TOR2A: variants seen among roughly 807,000 people sequenced by gnomAD.
TOR2A encodes the protein prosalusin.
A neutral mutation model predicts 28.6 loss-of-function variants in TOR2A; 24 were observed. That is an observed-to-expected ratio of 0.84 (90% CI 0.61 to 1.18). TOR2A has a LOEUF of 1.18. Ranked by LOEUF, TOR2A falls within the 50% of genes most tolerant of loss-of-function variation. The probability of loss-of-function intolerance (pLI) is 0.00; values close to 1 mark genes in which losing one functional copy is unlikely to be tolerated. For missense variants in TOR2A, 426 were observed against 448.1 expected (o/e 0.95, Z 0.45); for synonymous variants, 203 against 203.1 (o/e 1.00, Z 0.00).
At chr9:127,733,655 G>T in intron 2 of TOR2A, 95 bp from the exon 3 acceptor site, 1 of 1,173,482 alleles carries the variant, frequency 8.5e-7, no homozygotes, top group Non-Finnish European at 1.2e-6. Context: ...TTCTAGGGAA[G>T]GATGTGGTCT....
rs1844558730 is a variant in TOR2A, at chr9:127,733,528, G to A, written c.450C>T (p.Leu150=). 1.2e-6 allele frequency: 2 copies of A among 1,613,444 alleles called. No individual in the cohort carries two copies. The highest frequency in any genetic ancestry group is 1.7e-5 in the Admixed American group (1 of 59,996). ...GGAAGAGGGAGCGGCCACAGGCAGT[G>A]AGGTTCCCTTGGACCCAGCTCTTCA... is the stretch of plus-strand genomic sequence containing the variant. The part of the protein sequence containing the change: ...KDLKSWVQGN[L]TACGRSLFLF... The change falls in exon 3 of 5, where the codon CTC becomes CTT. Residue 150 remains leucine (L), a synonymous_variant. Coordinates refer to ENST00000373284, the MANE Select transcript of TOR2A (RefSeq NM_001085347.3).
intron 3 of TOR2A, chr9:127,732,957 C>T: frequency 7.2e-7 from 1 of 1,391,126 alleles, no homozygotes. Flanking sequence ...TCCAGGAAGG[C>T]ATCGGGGCAT....
In TOR2A at chr9:127,734,482, C is replaced by T; in HGVS notation, c.234G>A (p.Val78=). 2 of 1,593,164 alleles carry T rather than the reference C, an allele frequency of 1.3e-6. No individual in the cohort carries two copies. Among genetic ancestry groups the T allele is most frequent in the Non-Finnish European group, 1.7e-6 (2 of 1,170,190 alleles). ...ALVVKALKAF[V]RDPAPTKPLV... The stretch of plus-strand genomic sequence containing the variant: ...GCGGCTTGGTGGGGGCTGGGTCCCG[C>T]ACAAAGGCCTTCAGCGCCTTCACCA... The change falls in exon 2 of 5, where the codon GTG becomes GTA. Residue 78 remains valine, a synonymous_variant. Transcript: ENST00000373284.
chr9:127,732,685 C>T lies in TOR2A; in HGVS notation c.600G>A (p.Thr200=), dbSNP rs778839588. 1.3e-5 allele frequency: 21 copies of T among 1,562,936 alleles called. No homozygotes were observed. The highest frequency in any genetic ancestry group is 1.7e-4 in the Middle Eastern group (1 of 5,996). The change falls in exon 4 of 5, where the codon ACG becomes ACA. Residue 200 remains threonine, a synonymous_variant. Coordinates refer to ENST00000373284, the MANE Select transcript of TOR2A (RefSeq NM_001085347.3). ...RKAIFIFISN[T]GGKQINQVAL... is the part of the protein sequence containing the mutation. ...CCACCTGGTTGATCTGCTTGCCACC[C>T]GTGTTGCTAAAACCATGGGGGACCC... is the stretch of plus-strand genomic sequence containing the variant.
rs376331285 is a variant in TOR2A, at chr9:127,733,235, A to G, written c.593+150T>C. On this transcript the variant is annotated intron_variant, in intron 3 of 4. Coordinates refer to ENST00000373284, the MANE Select transcript of TOR2A (RefSeq NM_001085347.3). ...GGGAAATCAACCAGGCGGAATGACA[A>G]TGTCATCTCTGAGAGTGGCGGAGGG... The G allele has an allele frequency of 2.5e-6, 4 of 1,608,930 alleles. No homozygotes were observed. The South Asian group carries it at 3.3e-5, about 13-fold the overall frequency.
rs750205347 is a variant in TOR2A at position 127,734,561 on chromosome 9, A to T, written c.155T>A (p.Leu52Gln). ...ECDFRPDLPG[L>Q]ECDLAQHLAG... is the part of the protein sequence containing the mutation. ...CAGGTGCTGAGCCAGGTCACACTCC[A>T]GACCTAGGGCCACAGGAGGATGGTG... The change falls in exon 2 of 5, where the codon CTG becomes CAG. Residue 52 changes from leucine to glutamine, a missense_variant. Leu to Gln is a moderately radical substitution (Grantham distance 113). Transcript: ENST00000373284. 11 of 1,511,080 alleles carry T rather than the reference A, an allele frequency of 7.3e-6. No homozygotes were observed. Among genetic ancestry groups the T allele is most frequent in the Non-Finnish European group, 9.7e-6 (11 of 1,131,140 alleles). 93.6% of individuals were successfully genotyped at this position (1,511,080 alleles called of 1,614,324 possible).
Position 127,731,848 on chromosome 9 carries a change from G to T in TOR2A, c.*186C>A. On this transcript the variant is annotated 3_prime_UTR_variant, in exon 5 of 5. Coordinates refer to ENST00000373284, the MANE Select transcript of TOR2A (RefSeq NM_001085347.3). Reference sequence around the variant, plus strand: ...TGGGGTGACCAGGGGTTTCCCTGGGGAAGGTGGCCGGGGCCAAGATGCTCT... The same window carrying T: ...TGGGGTGACCAGGGGTTTCCCTGGGTAAGGTGGCCGGGGCCAAGATGCTCT... 2 of 1,270,762 alleles carry T rather than the reference G, an allele frequency of 1.6e-6. No individual in the cohort carries two copies. The highest frequency in any genetic ancestry group is 1.1e-6 in the Non-Finnish European group (1 of 945,846). The allele number at this position is 1,270,762 out of a possible 1,614,324, so 78.7% of individuals were successfully genotyped here. A position where few individuals can be genotyped will look rare whatever the true frequency, so the allele number is the denominator to read the frequency against.
At chr9:127,733,611 A>T in intron 2 of TOR2A, 51 bp from the exon 3 acceptor site, 1 of 1,513,966 alleles carries the variant, frequency 6.6e-7, no homozygotes, top group Admixed American at 2.1e-5. Flanking sequence ...CTCCCCCAAC[A>T]CCAGACCTCT....
chr9:127,734,526 G>A lies in TOR2A; in HGVS notation c.190C>T (p.His64Tyr), dbSNP rs761495733. The change falls in exon 2 of 5, where the codon CAT becomes TAT. Residue 64 changes from histidine to tyrosine, a missense_variant. Coordinates refer to ENST00000373284, the MANE Select transcript of TOR2A (RefSeq NM_001085347.3). Reference sequence around the variant, plus strand: ...TTCACCACCAGCGCCTTGGCCAGATGCTGGCCGGCCAGGTGCTGAGCCAGG... The same window carrying A: ...TTCACCACCAGCGCCTTGGCCAGATACTGGCCGGCCAGGTGCTGAGCCAGG... ...CDLAQHLAGQ[H>Y]LAKALVVKAL... The A allele has an allele frequency of 4.6e-6, 7 of 1,538,320 alleles. No individual in the cohort carries two copies. Among genetic ancestry groups the A allele is most frequent in the Non-Finnish European group, 4.4e-6 (5 of 1,141,974 alleles).
chr9:127,733,765 C>A, intron 2 of TOR2A: 1 of 590,614 alleles, frequency 1.7e-6, no homozygotes, highest in Non-Finnish European at 3.0e-6. Context: ...AGAACAGGGA[C>A]TCAAACCCAA....
rs1301327611 is a variant in TOR2A at position 127,732,043 on chromosome 9, G to C, written c.957C>G (p.Phe319Leu). The change falls in exon 5 of 5, where the codon TTC becomes TTG. Residue 319 changes from phenylalanine (F) to leucine (L), a missense_variant. Physicochemically the swap from Phe to Leu is conservative, Grantham distance 22. Transcript: ENST00000373284. ...GCKTVASRIA[F>L]FL ...GACACCACTCAGAGAGTCAGAGGAAGAAGGCGATTCGGGAGGCCACGGTCT... is the reference window on the plus strand; with the variant it reads ...GACACCACTCAGAGAGTCAGAGGAACAAGGCGATTCGGGAGGCCACGGTCT... 6.2e-7 allele frequency: 1 copy of C among 1,613,444 alleles called. No homozygotes were observed. Among genetic ancestry groups the C allele is most frequent in the Non-Finnish European group, 8.5e-7 (1 of 1,179,796 alleles).
At chr9:127,732,842 A>T (rs982276767) in intron 3 of TOR2A, 151 bp from the exon 4 acceptor site, 1 of 1,439,832 alleles carries the variant, frequency 6.9e-7, no homozygotes, top group Admixed American at 2.7e-5. Context: ...TTCCCCCTCC[A>T]TGGTGTCCAC....
At chr9:127,732,323 G>A (rs768793934) in intron 4 of TOR2A, 45 bp from the exon 5 acceptor site, 2 of 1,527,556 alleles carry the variant, frequency 1.3e-6, no homozygotes, top group Non-Finnish European at 1.8e-6. Context: ...CTTCACAAGA[G>A]GGGAGAAGCC....
chr9:127,734,628 T>G, intron 1 of TOR2A, 64 bp from the exon 2 acceptor site: 3 of 1,417,714 alleles, frequency 2.1e-6, no homozygotes, highest in Non-Finnish European at 2.8e-6. Flanking sequence ...GAGAACATCA[T>G]GTCTGGAACC....
intron 3 of TOR2A, chr9:127,733,077 A>C: frequency 6.8e-7 from 1 of 1,467,358 alleles, no homozygotes; most frequent in Non-Finnish European, 9.0e-7. Context: ...AAGGACAAGA[A>C]CTCTGTTCCT....
intron 2 of TOR2A, 130 bp downstream of exon 2, chr9:127,734,169 T>G: frequency 8.1e-7 from 1 of 1,235,846 alleles, no homozygotes; most frequent in Non-Finnish European, 1.1e-6. Flanking sequence ...CTGTGCAGGA[T>G]GGGTCCTGAG....
chr9:127,733,007 CAG>C, intron 3 of TOR2A: 1 of 1,387,816 alleles, frequency 7.2e-7, no homozygotes, highest in South Asian at 1.6e-5. Flanking sequence ...GACAGAGGCT[CAG>C]AGAGGCGGAG....
At position 127,734,520 on chromosome 9, in the gene TOR2A, C is replaced by T; in HGVS notation, c.196G>A (p.Ala66Thr). The change falls in exon 2 of 5, where the codon GCC (alanine) becomes ACC (threonine). Residue 66 changes from alanine (A) to threonine (T), a missense_variant. Coordinates refer to ENST00000373284, the MANE Select transcript of TOR2A (RefSeq NM_001085347.3). ...AGCGCCTTCACCACCAGCGCCTTGG[C>T]CAGATGCTGGCCGGCCAGGTGCTGA... ...LAQHLAGQHLAKALVVKALKA... is the reference protein window; with the variant it reads ...LAQHLAGQHLTKALVVKALKA... 1 of 1,543,648 alleles carries T rather than the reference C, an allele frequency of 6.5e-7. No homozygotes were observed. Among genetic ancestry groups the T allele is most frequent in the Non-Finnish European group, 8.7e-7 (1 of 1,144,560 alleles).
Position 127,731,526 on chromosome 9 carries a change from T to C in TOR2A, c.*508A>G, listed in dbSNP as rs1267207494. On this transcript the variant is annotated 3_prime_UTR_variant, in exon 5 of 5. Coordinates refer to ENST00000373284, the MANE Select transcript of TOR2A (RefSeq NM_001085347.3). ...ATTAAAAGTCTTAGCAACAGTCCTC[T>C]GGTCCCACAGCTGAGTTTATTATAC... 4.7e-6 allele frequency: 7 copies of C among 1,475,594 alleles called. No homozygotes were observed. The highest frequency in any genetic ancestry group is 1.4e-5 in the African/African-American group (1 of 70,732). The allele number at this position is 1,475,594 out of a possible 1,614,324, so 91.4% of individuals were successfully genotyped here.
Sources: allele counts gnomAD v4.1 joint callset, GRCh38; gene constraint gnomAD v4.1.1; transcripts MANE v1.5; gene names NCBI Gene and HGNC (gene_info 2026-07-23, HGNC 2026-07-21).